The following AGO1 variants were observed in gnomAD, a reference collection of about 807,000 sequenced individuals.
AGO1 encodes protein argonaute-1.
Under a neutral mutation model 109.2 loss-of-function variants are expected in AGO1, and 11 were observed. The observed-to-expected ratio is 0.10, with a 90% confidence interval of 0.06 to 0.17. AGO1 has a LOEUF of 0.17. AGO1 is among the 10% of genes least tolerant of loss of function. The pLI is 1.00. For synonymous variants in AGO1, 422 were observed against 418.6 expected (o/e 1.01, Z -0.10); for missense variants, 574 against 1,140.3 (o/e 0.50, Z 7.15).
chr1:35,903,792 G>A (rs1027738661), intron 11 of AGO1, among the ~76,000 whole-genome samples: 9 of 150,898 alleles, frequency 6.0e-5, no homozygotes, highest in African/African-American at 1.5e-4. Context: ...GTGAAACTCC[G>A]TCTCTACTAA....
chr1:35,869,981 A>G (rs1294601326), intron 1 of AGO1: 1 of 152,154 alleles, frequency 6.6e-6, no homozygotes, highest in African/African-American at 2.4e-5. Flanking sequence ...AGCGTGGGGA[A>G]CGACCTGTTG....
In AGO1 at chr1:35,888,474, C is replaced by T. The variant is rs779432389; in HGVS notation, c.73C>T (p.Arg25Cys). ...PPLQQVFQAP[R>C]RPGIGTVGKP... Reference sequence around the variant, plus strand: ...CCTGCAGCAGGTGTTCCAGGCACCTCGCCGGCCTGGCATTGGCACTGTGGG... The same window carrying T: ...CCTGCAGCAGGTGTTCCAGGCACCTTGCCGGCCTGGCATTGGCACTGTGGG... Residue 25 changes from arginine (R) to cysteine (C), a missense_variant, in exon 2 of 19, where the codon CGC (arginine) becomes TGC (cysteine). Arg to Cys is a radical substitution (Grantham distance 180). Transcript: ENST00000373204. This position sits in a 1 kb window ranked among gnomAD's most constrained non-coding sequence, Gnocchi z 4.1. 6.2e-6 allele frequency: 10 copies of T among 1,614,200 alleles called. No individual in the cohort carries two copies. The highest frequency in any genetic ancestry group is 3.3e-5 in the South Asian group (3 of 91,084).
At chr1:35,918,182 T>A in intron 16 of AGO1, 140 bp from the exon 17 acceptor site, 1 of 720,290 alleles carries the variant, frequency 1.4e-6, no homozygotes. Context: ...AAGCATATTA[T>A]TTTAAGATTC....
Position 35,894,400 on chromosome 1 carries a change from G to A in AGO1, c.870G>A (p.Gln290=). ...CNVTRRPASH[Q]TFPLQLESGQ... The stretch of plus-strand genomic sequence containing the variant: ...TTACCCGTCGCCCTGCTAGCCATCA[G>A]ACGTAAGTTGGCAGGGGTGCTGAGT... Residue 290 remains glutamine (Q), a splice_region_variant and synonymous_variant, in exon 7 of 19, where the codon CAG becomes CAA. Coordinates refer to ENST00000373204, the MANE Select transcript of AGO1 (RefSeq NM_012199.5). 1.2e-6 allele frequency: 2 copies of A among 1,614,046 alleles called. No individual in the cohort carries two copies. The highest frequency in any genetic ancestry group is 1.1e-5 in the South Asian group (1 of 91,078).
intron 15 of AGO1, among the ~76,000 whole-genome samples, chr1:35,916,821 C>T (rs1217662756): frequency 6.6e-6 from 1 of 152,204 alleles, no homozygotes; most frequent in African/African-American, 2.4e-5. Context: ...TTAAGCCCTA[C>T]TAGGTTTTCT....
At chr1:35,886,417 C>T (rs886497639) in intron 1 of AGO1, among the ~76,000 whole-genome samples, 1 of 152,098 alleles carries the variant, frequency 6.6e-6, no homozygotes, top group Non-Finnish European at 1.5e-5. Flanking sequence ...GGTGTGGGCT[C>T]CCCTGTTTTC....
upstream of AGO1, among the ~76,000 whole-genome samples, chr1:35,878,732 T>A (rs1042029334): frequency 3.3e-5 from 5 of 152,232 alleles, no homozygotes; most frequent in African/African-American, 1.2e-4. Flanking sequence ...ATCACATACA[T>A]CTCATGAAGT....
rs1219859778 is a variant in AGO1, at chr1:35,883,435, C to A, written c.14C>A (p.Pro5His). 2 of 1,570,800 alleles carry A rather than the reference C, an allele frequency of 1.3e-6. No individual in the cohort carries two copies. Among genetic ancestry groups the A allele is most frequent in the South Asian group, 1.1e-5 (1 of 86,972 alleles). Residue 5 changes from proline (P) to histidine (H), a missense_variant, in exon 1 of 19, where the codon CCC becomes CAC. Pro to His is a moderately conservative substitution (Grantham distance 77). Around this residue, in one of 8 missense-constraint regions of AGO1, gnomAD observed 89 missense variants for 109.6 expected, o/e 0.81. Coordinates refer to ENST00000373204, the MANE Select transcript of AGO1 (RefSeq NM_012199.5). This position sits in a 1 kb window ranked among gnomAD's most constrained non-coding sequence, Gnocchi z 5.4. MEAG[P>H]SGAAAGAYLP... is the part of the protein sequence containing the mutation. ...CGGGTATATGGGATGGAAGCGGGAC[C>A]CTCGGGAGCAGGTAAGGGTCCCCAG...
intron 15 of AGO1, among the ~76,000 whole-genome samples, chr1:35,916,519 C>T (rs1255682698): frequency 6.6e-6 from 1 of 152,148 alleles, no homozygotes; most frequent in Non-Finnish European, 1.5e-5. Context: ...AGGTATGAGT[C>T]ACCACACCCA....
In AGO1 at chr1:35,918,926, G is replaced by T. The variant is rs1248448548; in HGVS notation, c.2266-129G>T. On this transcript the variant is annotated intron_variant, in intron 17 of 18. Transcript: ENST00000373204. ...ATAAGAAGAGTGCTTTATGACATTG[G>T]TAGTTTTGCATCTGCCTGTTCATGG... 2.1e-5 allele frequency: 17 copies of T among 807,226 alleles called. No individual in the cohort carries two copies. In the East Asian group the frequency reaches 3.7e-4, roughly 18 times the overall value. The allele number at this position is 807,226 out of a possible 1,614,324, so 50.0% of individuals were successfully genotyped here. A position where few individuals can be genotyped will look rare whatever the true frequency, so the allele number is the denominator to read the frequency against.
chr1:35,884,232 T>A (rs1187449245), intron 1 of AGO1, among the ~76,000 whole-genome samples: 1 of 152,124 alleles, frequency 6.6e-6, no homozygotes, highest in African/African-American at 2.4e-5. Context: ...TCAGTCACAG[T>A]TTGCTAAGAA....
chr1:35,912,788 G>C (rs1433174956), intron 12 of AGO1, among the ~76,000 whole-genome samples: 1 of 152,062 alleles, frequency 6.6e-6, no homozygotes, highest in Non-Finnish European at 1.5e-5. Context: ...TGGCCAGGCT[G>C]TTCTTGAACT....
At chr1:35,876,139 A>G (rs1343125239) in intron 1 of AGO1, among the ~76,000 whole-genome samples, 1 of 152,228 alleles carries the variant, frequency 6.6e-6, no homozygotes, top group African/African-American at 2.4e-5. Flanking sequence ...AGTGGAGGAG[A>G]TAATTGCAGA....
At position 35,883,284 on chromosome 1, in the gene AGO1, G is replaced by A; in HGVS notation, c.-138G>A. 7.1e-7 allele frequency: 1 copy of A among 1,413,882 alleles called. No homozygotes were observed. Among genetic ancestry groups the A allele is most frequent in the Non-Finnish European group, 9.2e-7 (1 of 1,084,684 alleles). The allele number at this position is 1,413,882 out of a possible 1,614,324, so 87.6% of individuals were successfully genotyped here. A position where few individuals can be genotyped will look rare whatever the true frequency, so the allele number is the denominator to read the frequency against. Reference sequence around the variant, plus strand: ...CGGCGGCAACGGAGGCTGCGGGGGCGGCGGCGCGAGCGGCCGGGCTTGGTA... The same window carrying A: ...CGGCGGCAACGGAGGCTGCGGGGGCAGCGGCGCGAGCGGCCGGGCTTGGTA... On this transcript the variant is annotated 5_prime_UTR_variant, in exon 1 of 19. Coordinates refer to ENST00000373204, the MANE Select transcript of AGO1 (RefSeq NM_012199.5). This position sits in a 1 kb window ranked among gnomAD's most constrained non-coding sequence, Gnocchi z 5.4.
intron 12 of AGO1, among the ~76,000 whole-genome samples, chr1:35,910,134 A>G (rs1298996513): frequency 1.4e-5 from 2 of 143,946 alleles, no homozygotes; most frequent in Non-Finnish European, 3.1e-5. Flanking sequence ...GTTCCTAGGC[A>G]ATGGAGTCAT....
At position 35,914,186 on chromosome 1, in the gene AGO1, C is replaced by T; in HGVS notation, c.1745C>T (p.Ser582Phe). Residue 582 changes from serine to phenylalanine, a missense_variant and splice_region_variant, in exon 14 of 19, where the codon TCT becomes TTT. This residue lies in a region of AGO1 where 68 missense variants were observed against 200.2 expected (regional missense o/e 0.34). Transcript: ENST00000373204. ...TTTGTTTTCTCTTCCTTGCTCAGCTCTGCCGTTTTTCAACAGCCAGTGATA... is the reference window on the plus strand; with the variant it reads ...TTTGTTTTCTCTTCCTTGCTCAGCTTTGCCGTTTTTCAACAGCCAGTGATA... ...INNILVPHQR[S>F]AVFQQPVIFL... is the part of the protein sequence containing the mutation. 6.2e-7 allele frequency: 1 copy of T among 1,614,182 alleles called. No individual in the cohort carries two copies. The highest frequency in any genetic ancestry group is 8.5e-7 in the Non-Finnish European group (1 of 1,180,020).
rs371162078 is a variant in AGO1 at position 35,910,203 on chromosome 1, C to G, written c.1582+3084C>G. ...CAGTCAGATTCTTCTAAAGACCCTT[C>G]ACCATCCCTCCTGGGAGGCTGGGTA... is the stretch of plus-strand genomic sequence containing the variant. On this transcript the variant is annotated intron_variant, in intron 12 of 18. Transcript: ENST00000373204. Among the ~76,000 whole-genome samples, 14 of 150,226 alleles carry G rather than the reference C, an allele frequency of 9.3e-5. No individual in the cohort carries two copies. In the East Asian group the frequency reaches 1.6e-3, roughly 17 times the overall value.
chr1:35,918,140 T>C (rs1229421064), intron 16 of AGO1, among the ~76,000 whole-genome samples, 182 bp from the exon 17 acceptor site: 2 of 152,216 alleles, frequency 1.3e-5, no homozygotes, highest in East Asian at 3.8e-4. Context: ...ACACAGCTAA[T>C]AGGACTTGAA....
intron 11 of AGO1, among the ~76,000 whole-genome samples, chr1:35,906,072 G>T (rs1645514158): frequency 6.6e-6 from 1 of 152,124 alleles, no homozygotes; most frequent in Non-Finnish European, 1.5e-5. Context: ...TTCAGTTTTT[G>T]AGTATCTTTA....
Sources: gnomAD v4.1 joint callset for allele counts (sites outside exome capture counted in the v4.1 genomes callset) on GRCh38, gnomAD v4.1.1 for gene constraint, gnomAD v4.1.1 regional missense constraint, Gnocchi (gnomAD v3.1) non-coding constraint, MANE v1.5 for transcripts, NCBI Gene and HGNC (gene_info 2026-07-23, HGNC 2026-07-21) for gene names.